The following ANK2 variants were observed in gnomAD, a reference collection of about 807,000 sequenced individuals.
ANK2 encodes the protein ankyrin 2.
Under a neutral mutation model 360.5 loss-of-function variants are expected in ANK2, and 83 were observed. The ratio of observed to expected loss-of-function variants is 0.23; its 90% CI spans 0.19 to 0.28. The LOEUF is 0.28. ANK2 is among the 10% of genes least tolerant of loss of function. ANK2 has a pLI of 1.00. For missense variants in ANK2, 4,201 were observed against 4,795.7 expected (o/e 0.88, Z 3.66); for synonymous variants, 1,740 against 1,759.5 (o/e 0.99, Z 0.28).
intron 1 of ANK2, among the ~76,000 whole-genome samples, chr4:113,072,953 CTTTTTTTTT>C (rs77468290): frequency 2.5e-3 from 146 of 59,402 alleles, no homozygotes; most frequent in African/African-American, 9.9e-3. Context: ...AGGACAGTGT[CTTTTTTTTT>C]TTTTTTTTTT....
chr4:112,835,271 A>G (rs959186672), intron 1 of ANK2, among the ~76,000 whole-genome samples: 3 of 152,204 alleles, frequency 2.0e-5, no homozygotes, highest in Non-Finnish European at 2.9e-5. Flanking sequence ...AGTTTCCCTC[A>G]TGACTTTTTG....
intron 1 of ANK2, among the ~76,000 whole-genome samples, chr4:113,108,297 C>T (rs1423494792): frequency 6.6e-6 from 1 of 152,166 alleles, no homozygotes; most frequent in African/African-American, 2.4e-5. Flanking sequence ...TTGTTTCAGA[C>T]ATACCCATAA....
chr4:113,363,309 T>C (rs1361867649), intron 39 of ANK2, 29 bp from the exon 40 acceptor site: 1 of 1,609,276 alleles, frequency 6.2e-7, no homozygotes, highest in Admixed American at 1.7e-5. Context: ...GAAGTTAATG[T>C]GTTTACAAAG....
the ANK2 span, among the ~76,000 whole-genome samples, chr4:112,786,650 G>A: frequency 0.62 from 94,490 of 151,680 alleles, 31,170 homozygotes; most frequent in East Asian, 0.93. Flanking sequence ...TCAGCCTCCT[G>A]AAGTGTTGGG....
rs528800181 is a variant in ANK2, at chr4:113,303,827, A to C, written c.2548+988A>C. On this transcript the variant is annotated intron_variant, in intron 23 of 45. Coordinates refer to ENST00000357077, the MANE Select transcript of ANK2 (RefSeq NM_001148.6). ...GTACATGAAAATGTATGTTTGAAAAATTATTGCTATTAAGAATGGCACTAG... is the reference window on the plus strand; with the variant it reads ...GTACATGAAAATGTATGTTTGAAAACTTATTGCTATTAAGAATGGCACTAG... Among the ~76,000 whole-genome samples, 58 of 152,360 alleles carry C rather than the reference A, an allele frequency of 3.8e-4. 1 individual carries two copies. In the South Asian group the frequency reaches 0.012, roughly 32 times the overall value.
At chr4:112,712,828 A>G in the ANK2 span, among the ~76,000 whole-genome samples, 1 of 152,352 alleles carries the variant, frequency 6.6e-6, no homozygotes, top group East Asian at 1.9e-4. Flanking sequence ...TTATGTATTG[A>G]CATTATTAAT....
intron 1 of ANK2, among the ~76,000 whole-genome samples, chr4:112,835,141 A>G (rs370554946): frequency 4.6e-5 from 7 of 152,170 alleles, no homozygotes; most frequent in Admixed American, 3.9e-4. Flanking sequence ...ATTTCACTTG[A>G]TGTTTTTGGC....
At chr4:112,863,908 G>A (rs2150141699) in intron 1 of ANK2, among the ~76,000 whole-genome samples, 1 of 152,252 alleles carries the variant, frequency 6.6e-6, no homozygotes, top group East Asian at 1.9e-4. Flanking sequence ...ATAATGAAAT[G>A]TTTGTGAACT....
At chr4:112,793,317 C>A in the ANK2 span, among the ~76,000 whole-genome samples, 1 of 151,952 alleles carries the variant, frequency 6.6e-6, no homozygotes, top group South Asian at 2.1e-4. Context: ...AAAAAAAAGG[C>A]AAATCTAAAT....
chr4:113,278,701 T>A (rs1213279751), intron 17 of ANK2, 143 bp downstream of exon 17: 3 of 798,916 alleles, frequency 3.8e-6, no homozygotes. Context: ...ACCCTTTTTT[T>A]TCCCTTGTAT....
At chr4:113,302,934 G>A in intron 23 of ANK2, 95 bp downstream of exon 23, 1 of 1,076,700 alleles carries the variant, frequency 9.3e-7, no homozygotes, top group East Asian at 2.4e-5. Context: ...TTATGTGGAT[G>A]ACAGAATCTT....
chr4:112,891,265 G>A (rs1362140477), intron 1 of ANK2, among the ~76,000 whole-genome samples: 1 of 152,016 alleles, frequency 6.6e-6, no homozygotes, highest in Non-Finnish European at 1.5e-5. Flanking sequence ...TGCTTCCTTT[G>A]TGTCCCAGTG....
intron 1 of ANK2, among the ~76,000 whole-genome samples, chr4:113,156,978 C>CA (rs1213604459): frequency 1.3e-5 from 2 of 150,772 alleles, no homozygotes; most frequent in Admixed American, 6.6e-5. Context: ...ATTGTAAGAG[C>CA]AAAAAAGGCA....
chr4:113,381,862 T>C lies in ANK2; in HGVS notation c.*391T>C, dbSNP rs996169989. The C allele has an allele frequency of 5.0e-6, 2 of 398,342 alleles. No homozygotes were observed. The highest frequency in any genetic ancestry group is 9.5e-6 in the Non-Finnish European group (2 of 210,760). The allele number at this position is 398,342 out of a possible 1,614,324, so 24.7% of individuals were successfully genotyped here. On this transcript the variant is annotated 3_prime_UTR_variant, in exon 46 of 46. Coordinates refer to ENST00000357077, the MANE Select transcript of ANK2 (RefSeq NM_001148.6). The stretch of plus-strand genomic sequence containing the variant: ...CCTTCATACTGGATGCTGTATCCAA[T>C]ACTTTGTTGTGTCTGTGCTAACCTG...
intron 2 of ANK2, among the ~76,000 whole-genome samples, chr4:113,031,745 G>A (rs2060458139): frequency 6.6e-6 from 1 of 151,928 alleles, no homozygotes; most frequent in South Asian, 2.1e-4. Context: ...AACAAGAATT[G>A]AGAAATCCCA....
intron 24 of ANK2, among the ~76,000 whole-genome samples, chr4:113,316,058 A>G (rs1449975128): frequency 6.6e-6 from 1 of 152,200 alleles, no homozygotes; most frequent in Admixed American, 6.5e-5. Flanking sequence ...CCTTTTCCCA[A>G]TAATCTAATC....
chr4:113,339,336 G>A lies in ANK2; in HGVS notation c.3893+14G>A. 1 of 1,600,680 alleles carries A rather than the reference G, an allele frequency of 6.2e-7. No individual in the cohort carries two copies. Among genetic ancestry groups the A allele is most frequent in the Non-Finnish European group, 8.6e-7 (1 of 1,167,980 alleles). Reference sequence around the variant, plus strand: ...CGTGTCTGCCAGGTATCGTTATATAGCACAGAAAAGCCCACTATGATATGT... The same window carrying A: ...CGTGTCTGCCAGGTATCGTTATATAACACAGAAAAGCCCACTATGATATGT... On this transcript the variant is annotated intron_variant, in intron 32 of 45. Transcript: ENST00000357077.
the ANK2 span, among the ~76,000 whole-genome samples, chr4:112,730,334 A>G: frequency 1.3e-5 from 2 of 151,052 alleles, no homozygotes; most frequent in East Asian, 3.9e-4. Context: ...ATAACAATAT[A>G]TTGTACATTT....
intron 1 of ANK2, among the ~76,000 whole-genome samples, chr4:112,893,757 A>AG (rs2080889393): frequency 6.6e-6 from 1 of 152,076 alleles, no homozygotes. Flanking sequence ...GCTCTTTGGG[A>AG]GCTGAGGCGG....
Sources: gnomAD v4.1 joint callset for allele counts (sites outside exome capture counted in the v4.1 genomes callset) on GRCh38, gnomAD v4.1.1 for gene constraint, MANE v1.5 for transcripts, NCBI Gene and HGNC (gene_info 2026-07-23, HGNC 2026-07-21) for gene names.